The following RGS22 variants were observed in gnomAD, a reference collection of about 807,000 sequenced individuals.
RGS22 encodes the protein regulator of G-protein signaling 22.
A neutral mutation model predicts 172.9 loss-of-function variants in RGS22; 148 were observed. That is an observed-to-expected ratio of 0.86 (90% CI 0.75 to 0.98). The LOEUF (loss-of-function observed/expected upper bound fraction) is 0.98. RGS22 is among the 50% of genes least tolerant of loss of function. The pLI, the probability that RGS22 is intolerant of heterozygous loss-of-function variation, is 0.00. For synonymous variants in RGS22, 458 were observed against 480.2 expected (o/e 0.95, Z 0.60); for missense variants, 1,347 against 1,440.8 (o/e 0.93, Z 1.05).
intron 9 of RGS22, among the ~76,000 whole-genome samples, chr8:100,054,909 G>A (rs1319844956): frequency 6.6e-6 from 1 of 152,190 alleles, no homozygotes; most frequent in Non-Finnish European, 1.5e-5. Flanking sequence ...GTGGGGTAAG[G>A]CTCCTCCACC....
intron 3 of RGS22, among the ~76,000 whole-genome samples, chr8:100,084,457 T>C (rs1044363746): frequency 3.9e-5 from 6 of 152,000 alleles, no homozygotes; most frequent in African/African-American, 9.7e-5. Context: ...AAAAGGAAAA[T>C]TGGAATTATG....
chr8:100,027,664 G>T (rs999358920), intron 14 of RGS22, among the ~76,000 whole-genome samples: 1 of 152,084 alleles, frequency 6.6e-6, no homozygotes, highest in Admixed American at 6.6e-5. Context: ...TGTATTTTTA[G>T]TAGAGATGGG....
chr8:100,098,676 G>GTTCTCTT (rs1689680766), intron 2 of RGS22, among the ~76,000 whole-genome samples: 1 of 130,310 alleles, frequency 7.7e-6, no homozygotes, highest in Admixed American at 7.1e-5. Context: ...TCGGGTTTCT[G>GTTCTCTT]TTCTCTTCTC....
chr8:100,005,881 C>T, intron 16 of RGS22, 136 bp downstream of exon 16: 2 of 580,496 alleles, frequency 3.4e-6, no homozygotes, highest in Non-Finnish European at 6.1e-6. Context: ...ATGCAGCATG[C>T]TAGGCAAAGG....
At chr8:99,993,413 T>C (rs1813983661) in intron 20 of RGS22, among the ~76,000 whole-genome samples, 1 of 151,690 alleles carries the variant, frequency 6.6e-6, no homozygotes, top group African/African-American at 2.4e-5. Flanking sequence ...ATAGATGAAA[T>C]AAAAAATGAT....
intron 23 of RGS22, among the ~76,000 whole-genome samples, chr8:99,967,865 A>C (rs574304428): frequency 1.3e-5 from 2 of 152,312 alleles, no homozygotes; most frequent in Admixed American, 1.3e-4. Context: ...ATCTCCCAGC[A>C]CAGTTCTCGA....
chr8:100,053,688 T>G (rs567549548), intron 9 of RGS22, among the ~76,000 whole-genome samples: 1 of 152,144 alleles, frequency 6.6e-6, no homozygotes, highest in Admixed American at 6.5e-5. Context: ...CAGGCTGGAA[T>G]GCAGTGGTGC....
Position 99,965,271 on chromosome 8 carries a change from T to G in RGS22, c.3615+64A>C. ...TTCTAGTACTGTACAATGACTGAGTTACTGCATTCCACTATCCAATGCTCC... is the reference window on the plus strand; with the variant it reads ...TTCTAGTACTGTACAATGACTGAGTGACTGCATTCCACTATCCAATGCTCC... On this transcript the variant is annotated intron_variant, in intron 24 of 27. Transcript: ENST00000360863. 5 of 1,029,144 alleles carry G rather than the reference T, an allele frequency of 4.9e-6. No individual in the cohort carries two copies. The South Asian group carries it at 6.6e-5, about 13-fold the overall frequency. 63.8% of individuals were successfully genotyped at this position (1,029,144 alleles called of 1,614,324 possible). A position where few individuals can be genotyped will look rare whatever the true frequency, so the allele number is the denominator to read the frequency against.
At chr8:100,043,442 TTTCTGATGAG>T (rs1183120028) in intron 11 of RGS22, among the ~76,000 whole-genome samples, 3 of 152,336 alleles carry the variant, frequency 2.0e-5, no homozygotes, top group African/African-American at 7.2e-5. Context: ...AAAAATACTC[TTTCTGATGAG>T]AACAAAAACC....
rs1289686698 is a variant in RGS22 at position 100,002,328 on chromosome 8, G to T, written c.2664C>A (p.Phe888Leu). ...TTCGATCTCTGTAAGTTATTCTCCG[G>T]AACTGCTCAATGTCTGTCCAGCACA... The part of the protein sequence containing the change: ...DLMCWTDIEQ[F>L]RRITYRDRNQ... Residue 888 changes from phenylalanine (F) to leucine (L), a missense_variant, in exon 18 of 28, where the codon TTC (phenylalanine) becomes TTA (leucine). By Grantham distance (22) the Phe-to-Leu change is conservative (BLOSUM62 0). Coordinates refer to ENST00000360863, the MANE Select transcript of RGS22 (RefSeq NM_015668.5). 6.2e-7 allele frequency: 1 copy of T among 1,611,070 alleles called. No homozygotes were observed. The highest frequency in any genetic ancestry group is 8.5e-7 in the Non-Finnish European group (1 of 1,179,188).
intron 4 of RGS22, among the ~76,000 whole-genome samples, chr8:100,074,868 C>G (rs999976005): frequency 1.3e-5 from 2 of 151,910 alleles, no homozygotes; most frequent in South Asian, 4.1e-4. Context: ...CCCAGGTTCA[C>G]GCCATTCTCC....
At position 100,003,292 on chromosome 8, in the gene RGS22, T is replaced by C. The variant is rs192816593; in HGVS notation, c.2627+634A>G. Among the ~76,000 whole-genome samples the C allele has an allele frequency of 7.1e-3, 1,079 of 152,028 alleles. 15 individuals are homozygous for C. Among genetic ancestry groups the C allele is most frequent in the African/African-American group, 0.024 (999 of 41,486 alleles). On this transcript the variant is annotated intron_variant, in intron 17 of 27. Coordinates refer to ENST00000360863, the MANE Select transcript of RGS22 (RefSeq NM_015668.5). Reference sequence around the variant, plus strand: ...ACCCCATAAATATATACATGTACTATGTAGCCACAAAAATTAAAAAAATTA... The same window carrying C: ...ACCCCATAAATATATACATGTACTACGTAGCCACAAAAATTAAAAAAATTA...
chr8:100,052,575 C>T (rs1821784701), intron 10 of RGS22, among the ~76,000 whole-genome samples: 1 of 152,106 alleles, frequency 6.6e-6, no homozygotes, highest in Non-Finnish European at 1.5e-5. Context: ...GCTGGGATTA[C>T]AGGCATGAGC....
intron 2 of RGS22, among the ~76,000 whole-genome samples, chr8:100,105,130 GC>G (rs766315936): frequency 1.3e-5 from 2 of 152,116 alleles, no homozygotes; most frequent in Non-Finnish European, 2.9e-5. Context: ...ATTAAATGAG[GC>G]CATTTATGTG....
At chr8:100,090,033 A>G (rs540551966) in intron 3 of RGS22, among the ~76,000 whole-genome samples, 11 of 152,308 alleles carry the variant, frequency 7.2e-5, no homozygotes, top group African/African-American at 2.6e-4. Context: ...ATTATCCTCT[A>G]TATTGACCAT....
intron 4 of RGS22, among the ~76,000 whole-genome samples, chr8:100,074,778 T>G (rs369889730): frequency 1.3e-3 from 201 of 151,788 alleles, no homozygotes; most frequent in African/African-American, 4.3e-3. Flanking sequence ...TTTTTTGTGG[T>G]TTTTTTTGAG....
At chr8:99,986,814 A>G (rs1813145633) in intron 21 of RGS22, among the ~76,000 whole-genome samples, 1 of 152,138 alleles carries the variant, frequency 6.6e-6, no homozygotes, top group Non-Finnish European at 1.5e-5. Flanking sequence ...TACTATAAAT[A>G]TGGCTGGGAG....
intron 3 of RGS22, 119 bp downstream of exon 3, chr8:100,093,328 T>C: frequency 1.7e-6 from 1 of 602,102 alleles, no homozygotes; most frequent in Non-Finnish European, 3.0e-6. Context: ...TTTACCTAAA[T>C]GCTTTAATAT....
At chr8:100,073,128 CACAAAACATATGTTACTAATAA>C (rs1165907920) in intron 4 of RGS22, among the ~76,000 whole-genome samples, 1 of 152,100 alleles carries the variant, frequency 6.6e-6, no homozygotes, top group Admixed American at 6.6e-5. Context: ...GTACCTTGGA[CACAAAACATATGTTACTAATAA>C]ATAAAACAAT....
Sources: allele counts gnomAD v4.1 joint callset (sites outside exome capture counted in the v4.1 genomes callset), GRCh38; gene constraint gnomAD v4.1.1; transcripts MANE v1.5; gene names NCBI Gene and HGNC (gene_info 2026-07-23, HGNC 2026-07-21).